Variants in SLC9A9 observed in about 807,000 individuals in gnomAD.
SLC9A9 encodes the protein solute carrier family 9 member A9.
SLC9A9 carries 62 observed loss-of-function variants against 77.8 expected under a neutral mutation model. The ratio of observed to expected loss-of-function variants is 0.80; its 90% CI spans 0.65 to 0.98. The LOEUF is 0.98. SLC9A9 is among the 50% of genes least tolerant of loss of function. The pLI is 0.00. For missense variants in SLC9A9, 775 were observed against 774.9 expected (o/e 1.00, Z 0.00); for synonymous variants, 320 against 283.5 (o/e 1.13, Z -1.29).
At chr3:143,593,468 G>A (rs2037692167) in intron 6 of SLC9A9, among the ~76,000 whole-genome samples, 1 of 152,216 alleles carries the variant, frequency 6.6e-6, no homozygotes, top group Non-Finnish European at 1.5e-5. Flanking sequence ...TGGATTAAGT[G>A]TATTCATTAA....
intron 4 of SLC9A9, among the ~76,000 whole-genome samples, chr3:143,696,217 G>T (rs1354544408): frequency 3.3e-5 from 5 of 152,136 alleles, no homozygotes; most frequent in Admixed American, 3.3e-4. Context: ...TGAAGTCTTT[G>T]CCCATGCCTA....
intron 14 of SLC9A9, among the ~76,000 whole-genome samples, chr3:143,270,513 G>T (rs919180597): frequency 6.6e-6 from 1 of 152,074 alleles, no homozygotes; most frequent in Non-Finnish European, 1.5e-5. Flanking sequence ...TCTTTCTAGG[G>T]TTTACAGTAG....
At chr3:143,748,575 T>C (rs1935254496) in intron 4 of SLC9A9, among the ~76,000 whole-genome samples, 1 of 151,814 alleles carries the variant, frequency 6.6e-6, no homozygotes. Context: ...TGACCCTTCA[T>C]GAACAAAAGG....
At chr3:143,453,746 T>A (rs1307291086) in intron 12 of SLC9A9, among the ~76,000 whole-genome samples, 2 of 152,042 alleles carry the variant, frequency 1.3e-5, no homozygotes. Context: ...AGATAGATGC[T>A]GTTATTACCC....
At chr3:143,542,525 A>C (rs181716702) in intron 9 of SLC9A9, among the ~76,000 whole-genome samples, 7 of 152,308 alleles carry the variant, frequency 4.6e-5, no homozygotes, top group Admixed American at 1.3e-4. Flanking sequence ...AAAAATGCAC[A>C]AAACCAAATC....
rs143553548 is a variant in SLC9A9 at position 143,652,287 on chromosome 3, C to T, written c.723G>A (p.Val241=). The T allele has an allele frequency of 3.1e-4, 498 of 1,613,348 alleles. No individual in the cohort carries two copies. The highest frequency in any genetic ancestry group is 4.0e-4 in the Non-Finnish European group (469 of 1,179,684). The part of the protein sequence containing the change: ...DLYTLLFGES[V]LNDAVAIVLT... Reference sequence around the variant, plus strand: ...GGACTATGGCCACTGCATCATTCAACACACTCTCTCCAAACAAGAGTGTGT... The same window carrying T: ...GGACTATGGCCACTGCATCATTCAATACACTCTCTCCAAACAAGAGTGTGT... The change falls in exon 6 of 16, where the codon GTG becomes GTA. Residue 241 remains valine (V), a synonymous_variant. Coordinates refer to ENST00000316549, the MANE Select transcript of SLC9A9 (RefSeq NM_173653.4).
intron 12 of SLC9A9, among the ~76,000 whole-genome samples, chr3:143,459,707 A>G (rs1158891640): frequency 6.6e-6 from 1 of 152,062 alleles, no homozygotes; most frequent in Non-Finnish European, 1.5e-5. Flanking sequence ...CCTTCTCTCT[A>G]CAATCTTCTC....
At chr3:143,730,264 T>G (rs1467679699) in intron 4 of SLC9A9, among the ~76,000 whole-genome samples, 2 of 152,122 alleles carry the variant, frequency 1.3e-5, no homozygotes, top group Admixed American at 1.3e-4. Context: ...CAAGGATTAG[T>G]CTTACAACTC....
chr3:143,378,553 A>G (rs2033233675), intron 13 of SLC9A9, among the ~76,000 whole-genome samples: 2 of 152,332 alleles, frequency 1.3e-5, no homozygotes, highest in South Asian at 4.1e-4. Flanking sequence ...CAAAAGGGAA[A>G]AAGAGAAGCA....
intron 12 of SLC9A9, among the ~76,000 whole-genome samples, chr3:143,401,040 C>CT (rs2033844139): frequency 6.6e-6 from 1 of 152,172 alleles, no homozygotes; most frequent in South Asian, 2.1e-4. Flanking sequence ...ACTCTACCCC[C>CT]TTTTCTCTAC....
At position 143,447,626 on chromosome 3, in the gene SLC9A9, G is replaced by C. The variant is rs113110971; in HGVS notation, c.1469+19411C>G. 2.4e-3 allele frequency among the ~76,000 whole-genome samples: 360 copies of C among 152,176 alleles called. 2 individuals are homozygous for C. The highest frequency in any genetic ancestry group is 8.3e-3 in the African/African-American group (343 of 41,528). On this transcript the variant is annotated intron_variant, in intron 12 of 15. Transcript: ENST00000316549. ...AAAAGGCAAACAATTCCAATACTAC[G>C]GAAAACCCTATGCAATGGACAAGCT...
chr3:143,822,186 C>G (rs1293191688), intron 2 of SLC9A9, among the ~76,000 whole-genome samples: 1 of 152,190 alleles, frequency 6.6e-6, no homozygotes, highest in African/African-American at 2.4e-5. Context: ...GTTGGGCCTG[C>G]ATCTCAGCTT....
At chr3:143,489,601 A>C (rs929986639) in intron 11 of SLC9A9, among the ~76,000 whole-genome samples, 1 of 152,054 alleles carries the variant, frequency 6.6e-6, no homozygotes, top group African/African-American at 2.4e-5. Flanking sequence ...AAAATGTCAC[A>C]ACATTGGATT....
intron 6 of SLC9A9, among the ~76,000 whole-genome samples, chr3:143,622,196 A>T (rs2038229614): frequency 6.6e-6 from 1 of 152,242 alleles, no homozygotes; most frequent in East Asian, 1.9e-4. Context: ...ACTCTGCAGG[A>T]TATTATCCAG....
intron 14 of SLC9A9, among the ~76,000 whole-genome samples, chr3:143,293,474 A>G (rs568437879): frequency 6.6e-6 from 1 of 152,320 alleles, no homozygotes; most frequent in Admixed American, 6.5e-5. Context: ...ACTAATTCAT[A>G]CTGTTTATCA....
intron 12 of SLC9A9, among the ~76,000 whole-genome samples, chr3:143,411,575 C>T (rs556055207): frequency 1.4e-4 from 21 of 152,280 alleles, no homozygotes; most frequent in Admixed American, 5.9e-4. Flanking sequence ...TACAATTTGT[C>T]GACTGAATTT....
intron 4 of SLC9A9, among the ~76,000 whole-genome samples, chr3:143,716,162 C>T (rs183410016): frequency 1.1e-3 from 165 of 152,228 alleles, no homozygotes; most frequent in African/African-American, 3.7e-3. Context: ...GTAGCCTTGA[C>T]CTCCTGGGCT....
intron 14 of SLC9A9, among the ~76,000 whole-genome samples, chr3:143,350,886 A>C (rs2032434952): frequency 6.6e-6 from 1 of 152,146 alleles, no homozygotes; most frequent in South Asian, 2.1e-4. Context: ...AGTTGCTATT[A>C]GTCAAATTCC....
At chr3:143,292,931 A>G (rs1371128492) in intron 14 of SLC9A9, among the ~76,000 whole-genome samples, 1 of 152,040 alleles carries the variant, frequency 6.6e-6, no homozygotes, top group African/African-American at 2.4e-5. Flanking sequence ...CTGCTGGGGG[A>G]AATAAGAAAG....
Sources: gnomAD v4.1 joint callset for allele counts (sites outside exome capture counted in the v4.1 genomes callset) on GRCh38, gnomAD v4.1.1 for gene constraint, MANE v1.5 for transcripts, NCBI Gene and HGNC (gene_info 2026-07-23, HGNC 2026-07-21) for gene names.